Variants in SEMA6D observed in about 807,000 individuals in gnomAD.
The protein encoded by SEMA6D is semaphorin 6D.
SEMA6D carries 35 observed loss-of-function variants against 106.6 expected under a neutral mutation model. The ratio of observed to expected loss-of-function variants is 0.33; its 90% CI spans 0.25 to 0.44. SEMA6D has a LOEUF of 0.44. Ranked by LOEUF, SEMA6D falls within the 20% of genes least tolerant of loss-of-function variation. SEMA6D has a pLI of 1.00. For synonymous variants in SEMA6D, 499 were observed against 487.7 expected, an observed-to-expected ratio of 1.02 and a Z score of -0.31; for missense variants, 1,185 against 1,345.9, an observed-to-expected ratio of 0.88 and a Z score of 1.87.
intron 3 of SEMA6D, among the ~76,000 whole-genome samples, chr15:47,561,025 T>C (rs2046064290): frequency 6.6e-6 from 1 of 151,314 alleles, no homozygotes; most frequent in African/African-American, 2.4e-5. Context: ...CCTAGTATGT[T>C]ATTAAGGGTG....
chr15:47,211,084 G>T (rs552605787), intron 1 of SEMA6D, among the ~76,000 whole-genome samples: 1 of 152,022 alleles, frequency 6.6e-6, no homozygotes, highest in Non-Finnish European at 1.5e-5. Flanking sequence ...AGAGGTAACT[G>T]CTACTAACAG....
At chr15:47,612,329 G>A (rs1356227735) in intron 4 of SEMA6D, among the ~76,000 whole-genome samples, 1 of 152,062 alleles carries the variant, frequency 6.6e-6, no homozygotes, top group Non-Finnish European at 1.5e-5. Flanking sequence ...GCAATTTTGA[G>A]AACAAAATAC....
chr15:47,668,318 A>G (rs1250922594), intron 4 of SEMA6D, among the ~76,000 whole-genome samples: 1 of 152,204 alleles, frequency 6.6e-6, no homozygotes, highest in Non-Finnish European at 1.5e-5. Context: ...AGTAGATCTA[A>G]CACTGGAAAA....
intron 1 of SEMA6D, among the ~76,000 whole-genome samples, chr15:47,379,288 T>C (rs2145579876): frequency 6.6e-6 from 1 of 152,348 alleles, no homozygotes; most frequent in Non-Finnish European, 1.5e-5. Context: ...GGAAGATATC[T>C]GTGTATATTA....
chr15:47,437,904 C>T (rs376006936), intron 2 of SEMA6D, among the ~76,000 whole-genome samples: 1 of 152,032 alleles, frequency 6.6e-6, no homozygotes, highest in African/African-American at 2.4e-5. Context: ...TTATTTGGTA[C>T]CTTGCTGCGA....
chr15:47,514,321 A>G (rs2044321128), intron 3 of SEMA6D, among the ~76,000 whole-genome samples: 2 of 152,130 alleles, frequency 1.3e-5, no homozygotes, highest in South Asian at 2.1e-4. Context: ...GGGTGATCTC[A>G]TCCAGTTTCA....
intron 4 of SEMA6D, among the ~76,000 whole-genome samples, chr15:47,693,787 T>A (rs1456997656): frequency 2.6e-5 from 4 of 151,998 alleles, no homozygotes; most frequent in African/African-American, 9.7e-5. Flanking sequence ...CATTAAAAAT[T>A]CAGCTGGGTA....
At chr15:47,699,539 C>T (rs897271555) in intron 4 of SEMA6D, among the ~76,000 whole-genome samples, 1 of 152,132 alleles carries the variant, frequency 6.6e-6, no homozygotes, top group African/African-American at 2.4e-5. Context: ...ATTAACAGAT[C>T]GGCAAAGCAA....
chr15:47,518,333 A>G (rs780049602), intron 3 of SEMA6D, among the ~76,000 whole-genome samples: 3 of 152,194 alleles, frequency 2.0e-5, no homozygotes, highest in African/African-American at 4.8e-5. Context: ...TGTCTTATCT[A>G]TTTGCTAAAG....
chr15:47,614,250 ATC>A (rs1242556361), intron 4 of SEMA6D, among the ~76,000 whole-genome samples: 8 of 152,204 alleles, frequency 5.3e-5, no homozygotes, highest in Admixed American at 3.9e-4. Context: ...CTTCCCTGGC[ATC>A]TCTCTGGATG....
chr15:47,289,598 C>G (rs1052268662), intron 1 of SEMA6D, among the ~76,000 whole-genome samples: 5 of 151,930 alleles, frequency 3.3e-5, no homozygotes, highest in Non-Finnish European at 5.9e-5. Context: ...CAGCTTTCCT[C>G]TGGGATGGCT....
chr15:47,468,193 GTA>G (rs35151324), intron 2 of SEMA6D, among the ~76,000 whole-genome samples: 174 of 152,196 alleles, frequency 1.1e-3, no homozygotes, highest in African/African-American at 4.0e-3. Flanking sequence ...GTGTGTGTGT[GTA>G]TGTGTGTTCA....
chr15:47,761,003 A>C lies in SEMA6D; in HGVS notation c.247A>C (p.Asn83His), dbSNP rs773298756. Residue 83 changes from asparagine to histidine, a missense_variant, in exon 4 of 19, where the codon AAT (asparagine) becomes CAT (histidine). Physicochemically the swap from Asn to His is moderately conservative, Grantham distance 68. Coordinates refer to ENST00000536845, the MANE Select transcript of SEMA6D (RefSeq NM_001358351.3). Reference protein sequence around the residue: ...GRDQVYTVNLNEMPKTEVIPN... With the variant: ...GRDQVYTVNLHEMPKTEVIPN... Reference sequence around the variant, plus strand: ...GGATCAAGTTTATACAGTAAACTTAAATGAAATGCCCAAAACAGAAGTAAT... The same window carrying C: ...GGATCAAGTTTATACAGTAAACTTACATGAAATGCCCAAAACAGAAGTAAT... 6.2e-7 allele frequency: 1 copy of C among 1,613,530 alleles called. No homozygotes were observed. Among genetic ancestry groups the C allele is most frequent in the South Asian group, 1.1e-5 (1 of 91,038 alleles).
chr15:47,622,688 T>A (rs982989022), intron 4 of SEMA6D, among the ~76,000 whole-genome samples: 2 of 152,040 alleles, frequency 1.3e-5, no homozygotes, highest in African/African-American at 4.8e-5. Flanking sequence ...AGTGTGTGAT[T>A]TTGGCCAAAG....
At chr15:47,623,993 G>A (rs948414788) in intron 4 of SEMA6D, among the ~76,000 whole-genome samples, 4 of 152,120 alleles carry the variant, frequency 2.6e-5, no homozygotes, top group Admixed American at 6.5e-5. Flanking sequence ...GACCCTGGCT[G>A]ACAAAACTCC....
At chr15:47,718,408 C>G (rs1430928336) in intron 1 of SEMA6D, 3 of 152,302 alleles carry the variant, frequency 2.0e-5, no homozygotes, top group African/African-American at 7.2e-5. Flanking sequence ...CCGGATTGCA[C>G]GGCCCCCGGG....
chr15:47,670,158 A>G (rs1252227653), intron 4 of SEMA6D, among the ~76,000 whole-genome samples: 1 of 152,208 alleles, frequency 6.6e-6, no homozygotes, highest in East Asian at 1.9e-4. Flanking sequence ...GGCGCAAAAT[A>G]GAATTAGTCA....
At chr15:47,261,370 A>T (rs1254872826) in intron 1 of SEMA6D, among the ~76,000 whole-genome samples, 3 of 152,052 alleles carry the variant, frequency 2.0e-5, no homozygotes, top group Non-Finnish European at 4.4e-5. Flanking sequence ...TGTGCTTCTG[A>T]TTTCCTTTTC....
chr15:47,315,033 T>A (rs2036607220), intron 1 of SEMA6D, among the ~76,000 whole-genome samples: 1 of 150,736 alleles, frequency 6.6e-6, no homozygotes, highest in East Asian at 2.0e-4. Context: ...GCCCGGCTAA[T>A]TTTTTTGTAT....
Sources: gnomAD v4.1 joint callset for allele counts (sites outside exome capture counted in the v4.1 genomes callset) on GRCh38, gnomAD v4.1.1 for gene constraint, MANE v1.5 for transcripts, NCBI Gene and HGNC (gene_info 2026-07-23, HGNC 2026-07-21) for gene names.